SYNE1: variants seen among roughly 807,000 people sequenced by gnomAD.
SYNE1 encodes spectrin repeat containing nuclear envelope protein 1, also known as nesprin-1.
In SYNE1, 616 loss-of-function variants were observed where a neutral mutation model predicts 1,111.0. The observed-to-expected ratio is 0.55, with a 90% CI of 0.52 to 0.59. The LOEUF is 0.59. Ranked by LOEUF, SYNE1 falls within the 20% of genes least tolerant of loss-of-function variation. The probability of loss-of-function intolerance (pLI) is 0.00; values close to 1 mark genes in which losing one functional copy is unlikely to be tolerated. For synonymous variants in SYNE1, 3,855 were observed against 3,825.8 expected, an observed-to-expected ratio of 1.01 and a Z score of -0.28; for missense variants, 10,006 against 10,417.0, an observed-to-expected ratio of 0.96 and a Z score of 1.72.
In SYNE1 at chr6:152,404,230, T is replaced by C; in HGVS notation, c.6808A>G (p.Thr2270Ala). ...DLKELTKNLE[T>A]PPDLQFIEAD... is the part of the protein sequence containing the mutation. ...ATGCTTACCTGAAGGTCTGGCGGTG[T>C]TTCTAGATTTTTAGTTAATTCTTTC... Residue 2270 changes from threonine to alanine, a missense_variant, in exon 46 of 146, where the codon ACA (threonine) becomes GCA (alanine). By Grantham distance (58) the Thr-to-Ala change is moderately conservative. Around this residue, in one of 7 missense-constraint regions of SYNE1, gnomAD observed 4,955 missense variants for 5,017.2 expected, o/e 0.99. Coordinates refer to ENST00000367255, the MANE Select transcript of SYNE1 (RefSeq NM_182961.4). The C allele has an allele frequency of 6.2e-7, 1 of 1,612,928 alleles. No homozygotes were observed. Among genetic ancestry groups the C allele is most frequent in the Non-Finnish European group, 8.5e-7 (1 of 1,179,572 alleles).
chr6:152,500,138 A>ATATATAT (rs2099021332), intron 10 of SYNE1, among the ~76,000 whole-genome samples: 1 of 152,226 alleles, frequency 6.6e-6, no homozygotes, highest in East Asian at 1.9e-4. Flanking sequence ...CCATCTGGGT[A>ATATATAT]ATATAAGGAC....
rs557468098 is a variant in SYNE1 at position 152,353,309 on chromosome 6, T to C, written c.11207A>G (p.Asp3736Gly). The change falls in exon 69 of 146, where the codon GAC becomes GGC. Residue 3736 changes from aspartate (D) to glycine (G), a missense_variant. Transcript: ENST00000367255. ...KNFKNVATKIDKVDTVMMGKK... is the reference protein window; with the variant it reads ...KNFKNVATKIGKVDTVMMGKK... ...CCCCATCATTACTGTATCTACTTTG[T>C]CAATCTTGGTAGCCACATTCTTGAA... 1 of 1,614,184 alleles carries C rather than the reference T, an allele frequency of 6.2e-7. No individual in the cohort carries two copies. The highest frequency in any genetic ancestry group is 1.3e-5 in the African/African-American group (1 of 75,036).
At chr6:152,146,596 G>C (rs1030947666) in intron 137 of SYNE1, 4 of 152,172 alleles carry the variant, frequency 2.6e-5, no homozygotes, top group African/African-American at 9.7e-5. Flanking sequence ...AAATAGAAAT[G>C]AGAGAAATCA....
At chr6:152,302,988 C>T (rs1191644571) in intron 91 of SYNE1, among the ~76,000 whole-genome samples, 1 of 151,282 alleles carries the variant, frequency 6.6e-6, no homozygotes, top group Non-Finnish European at 1.5e-5. Flanking sequence ...GTTTTACTTT[C>T]TTGCTTAAAT....
In SYNE1 at chr6:152,506,920, A is replaced by C. The variant is rs550701329; in HGVS notation, c.582-1523T>G. ...TAGACAACTTATCATTCACTTTAAAACATGTTTTACCAATGTACACTGTTT... is the reference window on the plus strand; with the variant it reads ...TAGACAACTTATCATTCACTTTAAACCATGTTTTACCAATGTACACTGTTT... On this transcript the variant is annotated intron_variant, in intron 8 of 145. Transcript: ENST00000367255. 2.6e-5 allele frequency among the ~76,000 whole-genome samples: 4 copies of C among 152,222 alleles called. No homozygotes were observed. In the South Asian group the frequency reaches 8.3e-4, roughly 32 times the overall value.
chr6:152,230,844 G>T (rs2082608270), intron 114 of SYNE1, 142 bp from the exon 115 acceptor site: 2 of 984,766 alleles, frequency 2.0e-6, no homozygotes, highest in Admixed American at 2.2e-5. Context: ...TTAAAACAGG[G>T]GTGTCTAATC....
intron 104 of SYNE1, among the ~76,000 whole-genome samples, chr6:152,254,465 G>A (rs531744475): frequency 6.6e-6 from 1 of 151,978 alleles, no homozygotes; most frequent in Non-Finnish European, 1.5e-5. Context: ...GGCCAAGCTG[G>A]TCTCAAACTC....
chr6:152,412,740 C>T (rs77908834), intron 42 of SYNE1, among the ~76,000 whole-genome samples: 5,801 of 139,044 alleles, frequency 0.042, 184 homozygotes, highest in African/African-American at 0.096. Flanking sequence ...ACCTCAATTA[C>T]AAACAAGTAC....
intron 93 of SYNE1, among the ~76,000 whole-genome samples, chr6:152,297,675 G>A (rs2094944694): frequency 6.6e-6 from 1 of 152,052 alleles, no homozygotes; most frequent in Non-Finnish European, 1.5e-5. Context: ...CCTTTAAATG[G>A]TGTAAACATT....
chr6:152,247,748 TATACAC>T (rs1237803217), intron 105 of SYNE1, among the ~76,000 whole-genome samples: 86 of 90,900 alleles, frequency 9.5e-4, no homozygotes, highest in African/African-American at 3.9e-3. Flanking sequence ...TATATATATA[TATACAC>T]ACACACACAC....
intron 76 of SYNE1, among the ~76,000 whole-genome samples, chr6:152,334,802 T>C (rs980900695): frequency 6.6e-6 from 1 of 152,218 alleles, no homozygotes. Flanking sequence ...TAAGAATGCC[T>C]AACTTTCTGG....
intron 130 of SYNE1, among the ~76,000 whole-genome samples, chr6:152,171,432 G>A (rs575216638): frequency 2.7e-4 from 41 of 152,320 alleles, no homozygotes; most frequent in African/African-American, 8.7e-4. Flanking sequence ...GGACTACTAT[G>A]GTGATCAAGG....
chr6:152,264,624 C>T, intron 100 of SYNE1, among the ~76,000 whole-genome samples: 1 of 151,748 alleles, frequency 6.6e-6, no homozygotes, highest in East Asian at 1.9e-4. Context: ...TAGCCAGACC[C>T]TGTCTCTACA....
chr6:152,349,088 C>T (rs2096695175), intron 72 of SYNE1, among the ~76,000 whole-genome samples: 1 of 152,074 alleles, frequency 6.6e-6, no homozygotes, highest in Non-Finnish European at 1.5e-5. Context: ...ATGTTGCAGC[C>T]CAGAGGGGCT....
chr6:152,602,580 A>C (rs1334034590), intron 3 of SYNE1, among the ~76,000 whole-genome samples: 3 of 152,232 alleles, frequency 2.0e-5, no homozygotes, highest in African/African-American at 7.2e-5. Context: ...AGGTGATGTT[A>C]ATTAGTACTT....
Position 152,268,134 on chromosome 6 carries a change from C to G in SYNE1, c.18737G>C (p.Ser6246Thr). 1 of 1,614,162 alleles carries G rather than the reference C, an allele frequency of 6.2e-7. No homozygotes were observed. Among genetic ancestry groups the G allele is most frequent in the Non-Finnish European group, 8.5e-7 (1 of 1,180,018 alleles). ...ELEQELAEQK[S>T]LLRSVASRGE... ...ACGACTGGCTACTGAGCGAAGGAGA[C>G]TCTTCTGCTCGGCTAATTCCTGTTC... Residue 6246 changes from serine (S) to threonine (T), a missense_variant, in exon 100 of 146, where the codon AGT becomes ACT. Ser to Thr is a moderately conservative substitution (Grantham distance 58, BLOSUM62 1). Transcript: ENST00000367255.
chr6:152,347,232 T>C lies in SYNE1; in HGVS notation c.11905A>G (p.Met3969Val). The C allele has an allele frequency of 6.2e-7, 1 of 1,614,214 alleles. No homozygotes were observed. The change falls in exon 73 of 146, where the codon ATG becomes GTG. Residue 3969 changes from methionine (M) to valine (V), a missense_variant. Physicochemically the swap from Met to Val is conservative, Grantham distance 21. Around this residue, in one of 7 missense-constraint regions of SYNE1, gnomAD observed 4,955 missense variants for 5,017.2 expected, o/e 0.99. Coordinates refer to ENST00000367255, the MANE Select transcript of SYNE1 (RefSeq NM_182961.4). ...ITQQLAHHKA[M>V]MEEIAGFEDR... ...TCAAAACCAGCAATTTCTTCCATCA[T>C]TGCCTGCAAAAGTGAAACCAATACA...
At chr6:152,309,745 T>C (rs2095491931) in intron 90 of SYNE1, 90 bp downstream of exon 90, 3 of 1,519,472 alleles carry the variant, frequency 2.0e-6, no homozygotes, top group South Asian at 2.3e-5. Context: ...ACCCTGGATG[T>C]GTTTTGATGG....
In SYNE1 at chr6:152,292,038, G is replaced by A. The variant is rs367598918; in HGVS notation, c.18012+1550C>T. On this transcript the variant is annotated intron_variant, in intron 95 of 145. Transcript: ENST00000367255. ...AGGGAACAGCTGGACAGACAGAACC[G>A]CAGGAGCAAGGAAGACCTAGGAGCC... is the stretch of plus-strand genomic sequence containing the variant. 5.9e-5 allele frequency among the ~76,000 whole-genome samples: 9 copies of A among 152,204 alleles called. No homozygotes were observed. In the East Asian group the frequency reaches 9.7e-4, roughly 16 times the overall value.
Sources: allele counts gnomAD v4.1 joint callset (sites outside exome capture counted in the v4.1 genomes callset), GRCh38; gene constraint gnomAD v4.1.1; regional missense constraint gnomAD v4.1.1; transcripts MANE v1.5; gene names NCBI Gene and HGNC (gene_info 2026-07-23, HGNC 2026-07-21).